The following DPF3 variants were observed in gnomAD, a reference collection of about 807,000 sequenced individuals.
The protein encoded by DPF3 is double PHD fingers 3.
DPF3 carries 18 observed loss-of-function variants against 56.8 expected under a neutral mutation model. The observed-to-expected ratio is 0.32, with a 90% CI of 0.22 to 0.47. The LOEUF is 0.47. DPF3 is among the 20% of genes least tolerant of loss of function. The probability of loss-of-function intolerance (pLI) is 1.00; values close to 1 mark genes in which losing one functional copy is unlikely to be tolerated. For missense variants in DPF3, 403 were observed against 488.8 expected (o/e 0.82, Z 1.65); for synonymous variants, 188 against 180.2 (o/e 1.04, Z -0.35).
At chr14:72,803,360 G>A (rs1260711436) in intron 1 of DPF3, among the ~76,000 whole-genome samples, 2 of 152,198 alleles carry the variant, frequency 1.3e-5, no homozygotes, top group Non-Finnish European at 2.9e-5. Flanking sequence ...TCAAAAACAT[G>A]TCTAAGCGTG....
intron 1 of DPF3, among the ~76,000 whole-genome samples, chr14:72,845,940 A>G (rs1884732972): frequency 6.6e-6 from 1 of 151,840 alleles, no homozygotes; most frequent in Non-Finnish European, 1.5e-5. Context: ...CGATTTTTAC[A>G]TTTTTCTCCT....
chr14:72,848,235 C>T (rs549917845), intron 1 of DPF3, among the ~76,000 whole-genome samples: 21 of 152,232 alleles, frequency 1.4e-4, no homozygotes, highest in African/African-American at 4.8e-4. Flanking sequence ...GCGATCTCGG[C>T]TCACTGCAAC....
chr14:72,836,467 A>AT, intron 1 of DPF3: 1 of 985,528 alleles, frequency 1.0e-6, no homozygotes, highest in Non-Finnish European at 1.2e-6. Context: ...CCCTGAAGGG[A>AT]GAAGGAGCGC....
intron 2 of DPF3, among the ~76,000 whole-genome samples, chr14:72,757,702 T>C (rs115331680): frequency 1.5e-3 from 223 of 152,258 alleles, no homozygotes; most frequent in African/African-American, 5.2e-3. Flanking sequence ...ATAAGCAATC[T>C]AGAAATGATT....
chr14:72,784,105 G>A (rs955715019), intron 1 of DPF3, among the ~76,000 whole-genome samples: 30 of 152,076 alleles, frequency 2.0e-4, no homozygotes, highest in African/African-American at 7.0e-4. Context: ...CCTTCTAAGG[G>A]ACATCCAGCC....
intron 1 of DPF3, among the ~76,000 whole-genome samples, chr14:72,793,688 G>A (rs1892530358): frequency 6.6e-6 from 1 of 152,232 alleles, no homozygotes; most frequent in Non-Finnish European, 1.5e-5. Context: ...CCAGGGGAGA[G>A]AGAGACATTG....
At chr14:72,725,535 C>T (rs999501729) in intron 4 of DPF3, among the ~76,000 whole-genome samples, 1 of 151,928 alleles carries the variant, frequency 6.6e-6, no homozygotes, top group African/African-American at 2.4e-5. Context: ...GCCAGTGTGA[C>T]CAGTGCTTAG....
intron 1 of DPF3, among the ~76,000 whole-genome samples, chr14:72,789,916 C>G (rs904190971): frequency 3.3e-5 from 5 of 152,196 alleles, no homozygotes; most frequent in Non-Finnish European, 2.9e-5. Flanking sequence ...CTCTGGCACT[C>G]ATTCTTTTTC....
At chr14:72,885,938 G>C (rs1288221510) in intron 1 of DPF3, among the ~76,000 whole-genome samples, 1 of 152,262 alleles carries the variant, frequency 6.6e-6, no homozygotes, top group Non-Finnish European at 1.5e-5. Flanking sequence ...AAATAAGCCA[G>C]ACACAGAAGA....
chr14:72,787,589 C>G (rs1309383004), intron 1 of DPF3, among the ~76,000 whole-genome samples: 1 of 152,166 alleles, frequency 6.6e-6, no homozygotes, highest in Non-Finnish European at 1.5e-5. Context: ...GAAATAGGAC[C>G]TGGCTTTCAT....
intron 9 of DPF3, among the ~76,000 whole-genome samples, chr14:72,623,645 A>G (rs989717157): frequency 1.3e-5 from 2 of 152,258 alleles, no homozygotes; most frequent in African/African-American, 4.8e-5. Flanking sequence ...AATGTAGGCC[A>G]ATGAAGTTAA....
At chr14:72,794,359 C>A (rs1182104239) in intron 1 of DPF3, among the ~76,000 whole-genome samples, 3 of 152,188 alleles carry the variant, frequency 2.0e-5, no homozygotes, top group Admixed American at 2.0e-4. Context: ...ACTCCAGGGG[C>A]CTCTCTGTCC....
At chr14:72,719,065 A>G (rs1392601877) in intron 5 of DPF3, among the ~76,000 whole-genome samples, 1 of 93,378 alleles carries the variant, frequency 1.1e-5, no homozygotes, top group African/African-American at 3.7e-5. Context: ...CCACCGTGCC[A>G]GGCCTTTTTT....
intron 1 of DPF3, among the ~76,000 whole-genome samples, chr14:72,808,845 T>G (rs74900387): frequency 9.7e-4 from 147 of 152,320 alleles, no homozygotes; most frequent in African/African-American, 3.4e-3. Context: ...ATTTTGGCAT[T>G]CTTAGGAGTC....
chr14:72,650,628 G>A (rs1599328329), intron 8 of DPF3, among the ~76,000 whole-genome samples: 3 of 152,314 alleles, frequency 2.0e-5, no homozygotes, highest in East Asian at 3.9e-4. Context: ...GTGACCAGCG[G>A]CTCTCTGTAG....
At chr14:72,666,579 G>A (rs905177539) in intron 8 of DPF3, among the ~76,000 whole-genome samples, 1 of 152,212 alleles carries the variant, frequency 6.6e-6, no homozygotes, top group African/African-American at 2.4e-5. Context: ...TCAGTAAAAC[G>A]GGAATAAATA....
intron 1 of DPF3, among the ~76,000 whole-genome samples, chr14:72,882,600 C>T (rs1315070187): frequency 6.6e-6 from 1 of 152,166 alleles, no homozygotes; most frequent in African/African-American, 2.4e-5. Context: ...CAGAAGCAGC[C>T]GCCTGTTAAT....
chr14:72,847,239 G>A (rs1023704124), intron 1 of DPF3, among the ~76,000 whole-genome samples: 1 of 152,154 alleles, frequency 6.6e-6, no homozygotes, highest in African/African-American at 2.4e-5. Context: ...AGAGCTTCAC[G>A]TGTGTGGTCA....
intron 1 of DPF3, among the ~76,000 whole-genome samples, chr14:72,864,137 C>T (rs1599506285): frequency 6.6e-6 from 1 of 151,976 alleles, no homozygotes; most frequent in South Asian, 2.1e-4. Context: ...CTTTGCATCC[C>T]ACCCACCCCC....
Sources: allele counts gnomAD v4.1 joint callset (sites outside exome capture counted in the v4.1 genomes callset), GRCh38; gene constraint gnomAD v4.1.1; transcripts MANE v1.5; gene names NCBI Gene and HGNC (gene_info 2026-07-23, HGNC 2026-07-21).